Variants in PHF24 observed in about 807,000 individuals in gnomAD.
PHF24 encodes the protein PHD finger protein 24, also known as Galpha inhibitory interacting protein.
A neutral mutation model predicts 42.6 loss-of-function variants in PHF24; 25 were observed. The ratio of observed to expected loss-of-function variants is 0.59; its 90% CI spans 0.43 to 0.82. PHF24 has a LOEUF of 0.82. Ranked by LOEUF, PHF24 falls within the 40% of genes least tolerant of loss-of-function variation. PHF24 has a pLI of 0.00. For synonymous variants in PHF24, 185 were observed against 204.8 expected (o/e 0.90, Z 0.83); for missense variants, 470 against 538.1 (o/e 0.87, Z 1.25).
At chr9:34,972,224 G>T in intron 2 of PHF24, 122 bp from the exon 3 acceptor site, 1 of 836,464 alleles carries the variant, frequency 1.2e-6, no homozygotes. Flanking sequence ...TTCAGTTGGG[G>T]CTGTTCCTCT....
the PHF24 span, among the ~76,000 whole-genome samples, chr9:34,851,449 T>G: frequency 6.6e-6 from 1 of 152,202 alleles, no homozygotes; most frequent in Non-Finnish European, 1.5e-5. Flanking sequence ...TTTAAGCCTG[T>G]TGGAAAAGTG....
chr9:34,738,313 C>T, the PHF24 span, among the ~76,000 whole-genome samples: 2 of 152,066 alleles, frequency 1.3e-5, no homozygotes, highest in Non-Finnish European at 2.9e-5. Context: ...AGCAATTGGT[C>T]CCCTTTGTCA....
At chr9:34,670,935 A>G in the PHF24 span, among the ~76,000 whole-genome samples, 5 of 152,210 alleles carry the variant, frequency 3.3e-5, no homozygotes, top group African/African-American at 2.4e-5. Flanking sequence ...GGCCTATCAC[A>G]GTGCCTATAT....
chr9:34,668,483 C>T, the PHF24 span, among the ~76,000 whole-genome samples: 2 of 152,126 alleles, frequency 1.3e-5, no homozygotes, highest in Non-Finnish European at 2.9e-5. Flanking sequence ...TCACACAGGA[C>T]GTAAAGTCAT....
the PHF24 span, chr9:34,691,127 G>C: frequency 9.3e-5 from 150 of 1,613,460 alleles, no homozygotes; most frequent in Non-Finnish European, 1.2e-4. Context: ...CTGAGGGCCA[G>C]TAGCAGGGCC....
At chr9:34,748,372 A>C in the PHF24 span, among the ~76,000 whole-genome samples, 3 of 152,250 alleles carry the variant, frequency 2.0e-5, no homozygotes, top group African/African-American at 7.2e-5. Context: ...TCATGGGGGC[A>C]GATTTCTCAT....
the PHF24 span, among the ~76,000 whole-genome samples, chr9:34,742,527 A>C: frequency 6.6e-6 from 1 of 152,186 alleles, no homozygotes; most frequent in Non-Finnish European, 1.5e-5. Flanking sequence ...ACACCATCAC[A>C]GAAAAAAAGC....
Position 34,977,648 on chromosome 9 carries a change from A to C in PHF24, c.1106+7A>C. The C allele has an allele frequency of 1.3e-6, 2 of 1,582,914 alleles. No individual in the cohort carries two copies. The highest frequency in any genetic ancestry group is 1.7e-6 in the Non-Finnish European group (2 of 1,162,338). ...CCACAGAGCAGGAGTCCAGGTGAGT[A>C]GGACCTCCTCACCTGGCCATTTGTA... is the stretch of plus-strand genomic sequence containing the variant. On this transcript the variant is annotated splice_region_variant and intron_variant, in intron 7 of 7. Transcript: ENST00000242315.
chr9:34,715,715 C>T, the PHF24 span, among the ~76,000 whole-genome samples: 130 of 152,242 alleles, frequency 8.5e-4, no homozygotes, highest in Middle Eastern at 3.4e-3. Flanking sequence ...CAGCCCTACC[C>T]GTGATGATGA....
the PHF24 span, among the ~76,000 whole-genome samples, chr9:34,687,003 C>A: frequency 6.6e-6 from 1 of 151,154 alleles, no homozygotes; most frequent in African/African-American, 2.4e-5. Context: ...GGCAATTGTA[C>A]CTGGCAGGGA....
At chr9:34,906,704 C>G in the PHF24 span, among the ~76,000 whole-genome samples, 1 of 150,130 alleles carries the variant, frequency 6.7e-6, no homozygotes, top group Non-Finnish European at 1.5e-5. Context: ...ACCCCTAACT[C>G]TTTTATTCCC....
At chr9:34,722,395 G>A in the PHF24 span, among the ~76,000 whole-genome samples, 177 of 152,332 alleles carry the variant, frequency 1.2e-3, 1 homozygote, top group Non-Finnish European at 1.3e-3. Context: ...AGTGGGTTTG[G>A]TATGTGTGAC....
chr9:34,904,657 C>T, the PHF24 span, among the ~76,000 whole-genome samples: 1 of 151,068 alleles, frequency 6.6e-6, no homozygotes. Flanking sequence ...AGCATCTATA[C>T]TCATCAAGGA....
chr9:34,708,805 T>C, the PHF24 span, among the ~76,000 whole-genome samples: 1 of 152,210 alleles, frequency 6.6e-6, no homozygotes, highest in East Asian at 1.9e-4. Context: ...ATTGGCAGGA[T>C]GCCTCAGAAG....
chr9:34,787,072 C>T, the PHF24 span, among the ~76,000 whole-genome samples: 18 of 152,010 alleles, frequency 1.2e-4, no homozygotes, highest in East Asian at 1.9e-4. Flanking sequence ...TCAAGAGATA[C>T]GTCAGGAAAG....
the PHF24 span, among the ~76,000 whole-genome samples, chr9:34,700,077 A>G: frequency 6.6e-6 from 1 of 152,214 alleles, no homozygotes; most frequent in Non-Finnish European, 1.5e-5. Flanking sequence ...TAGAGAAAAC[A>G]GCAAGGGCAA....
chr9:34,978,028 C>T, exon 8 of PHF24: 2 of 1,613,994 alleles, frequency 1.2e-6, no homozygotes, highest in Non-Finnish European at 1.7e-6. Flanking sequence ...TGTGGACTGG[C>T]CTACCTTCCT....
the PHF24 span, among the ~76,000 whole-genome samples, chr9:34,697,512 G>A: frequency 6.6e-6 from 1 of 152,086 alleles, no homozygotes; most frequent in Non-Finnish European, 1.5e-5. Flanking sequence ...TAGAGATGGG[G>A]TTTCATCATG....
chr9:34,810,976 A>T, the PHF24 span, among the ~76,000 whole-genome samples: 6 of 151,186 alleles, frequency 4.0e-5, no homozygotes, highest in Non-Finnish European at 8.8e-5. Flanking sequence ...GGAATAACTG[A>T]CTTTGGCAGG....
Sources: gnomAD v4.1 joint callset for allele counts (sites outside exome capture counted in the v4.1 genomes callset) on GRCh38, gnomAD v4.1.1 for gene constraint, MANE v1.5 for transcripts, NCBI Gene and HGNC (gene_info 2026-07-23, HGNC 2026-07-21) for gene names.